ERG: variants seen among roughly 807,000 people sequenced by gnomAD.
ERG encodes ETS transcription factor ERG.
In ERG, 9 loss-of-function variants were observed where a neutral mutation model predicts 55.3. That is an observed-to-expected ratio of 0.16 (90% CI 0.10 to 0.28). ERG has a LOEUF of 0.28. ERG is among the 10% of genes least tolerant of loss of function. The probability of loss-of-function intolerance (pLI) is 1.00; values close to 1 mark genes in which losing one functional copy is unlikely to be tolerated. For synonymous variants in ERG, 223 were observed against 237.3 expected (o/e 0.94, Z 0.55); for missense variants, 434 against 631.6 (o/e 0.69, Z 3.35).
intron 1 of ERG, among the ~76,000 whole-genome samples, chr21:38,592,671 C>T (rs1338702948): frequency 2.0e-5 from 3 of 151,420 alleles, no homozygotes; most frequent in Non-Finnish European, 2.9e-5. Context: ...TAAGGCAATC[C>T]TTAGACTCTT....
intron 3 of ERG, among the ~76,000 whole-genome samples, chr21:38,408,666 C>A (rs1988893114): frequency 6.6e-6 from 1 of 152,186 alleles, no homozygotes; most frequent in African/African-American, 2.4e-5. Flanking sequence ...CCCCAGTAGT[C>A]TCTCTAGTCT....
At chr21:38,377,364 C>T (rs1021740742), downstream of ERG, among the ~76,000 whole-genome samples, 4 of 152,226 alleles carry the variant, frequency 2.6e-5, no homozygotes, top group Non-Finnish European at 5.9e-5. Context: ...CTGCCAGCAG[C>T]CTGCTGCCAA....
At chr21:38,492,961 G>A (rs1208415079) in intron 1 of ERG, among the ~76,000 whole-genome samples, 3 of 152,198 alleles carry the variant, frequency 2.0e-5, no homozygotes, top group Non-Finnish European at 4.4e-5. Context: ...GAATGGCAAA[G>A]ATTCAAAGAG....
intron 2 of ERG, among the ~76,000 whole-genome samples, chr21:38,521,157 G>A (rs2059591519): frequency 6.6e-6 from 1 of 152,170 alleles, no homozygotes; most frequent in South Asian, 2.1e-4. Context: ...TTCAGTGAGT[G>A]TGCATCAGAG....
At chr21:38,660,961 C>T (rs1470588771) in intron 1 of ERG, among the ~76,000 whole-genome samples, 1 of 152,106 alleles carries the variant, frequency 6.6e-6, no homozygotes, top group Admixed American at 6.5e-5. Context: ...ACGCGCCCTG[C>T]TCGGGTTTAG....
In ERG at chr21:38,381,572, T is replaced by C. The variant is rs1192090395; in HGVS notation, c.*1831A>G. 1.1e-5 allele frequency: 12 copies of C among 1,063,308 alleles called. No homozygotes were observed. Among genetic ancestry groups the C allele is most frequent in the African/African-American group, 1.6e-5 (1 of 60,992 alleles). 65.9% of individuals were successfully genotyped at this position (1,063,308 alleles called of 1,614,324 possible). ...ATCTAGACGTTATCCCTTGTTTCTG[T>C]AAAGTGAGAAATTGCAGCTATCCAT... On this transcript the variant is annotated 3_prime_UTR_variant, in exon 10 of 10. Transcript: ENST00000288319.
intron 3 of ERG, among the ~76,000 whole-genome samples, chr21:38,416,268 A>G (rs1204325810): frequency 6.6e-6 from 1 of 152,246 alleles, no homozygotes; most frequent in African/African-American, 2.4e-5. Context: ...GTTGAAATGC[A>G]GTGCTGCAAC....
chr21:38,432,902 C>T (rs1990284120), intron 2 of ERG, among the ~76,000 whole-genome samples: 1 of 152,150 alleles, frequency 6.6e-6, no homozygotes. Flanking sequence ...AATGGATCCT[C>T]AGAAAACTTA....
At chr21:38,653,954 G>C (rs185002403) in intron 1 of ERG, among the ~76,000 whole-genome samples, 1 of 152,180 alleles carries the variant, frequency 6.6e-6, no homozygotes, top group Non-Finnish European at 1.5e-5. Flanking sequence ...AAATGTGCTC[G>C]TAATGTACAA....
At chr21:38,372,478 G>A in the ERG span, among the ~76,000 whole-genome samples, 15 of 150,894 alleles carry the variant, frequency 9.9e-5, no homozygotes, top group South Asian at 3.1e-3. Context: ...AAATATTTAG[G>A]ACTATAAATT....
intron 1 of ERG, among the ~76,000 whole-genome samples, chr21:38,647,382 G>A (rs1390540864): frequency 6.6e-6 from 1 of 152,176 alleles, no homozygotes; most frequent in Non-Finnish European, 1.5e-5. Context: ...TCCTCAAGGA[G>A]GCTAAAATTA....
At chr21:38,484,860 C>T (rs2059268907) in intron 1 of ERG, among the ~76,000 whole-genome samples, 1 of 152,146 alleles carries the variant, frequency 6.6e-6, no homozygotes, top group South Asian at 2.1e-4. Flanking sequence ...TACAAACCTA[C>T]TGTGTTGCCA....
intron 3 of ERG, among the ~76,000 whole-genome samples, chr21:38,423,099 G>A (rs1357837909): frequency 6.6e-6 from 1 of 151,366 alleles, no homozygotes; most frequent in Non-Finnish European, 1.5e-5. Flanking sequence ...GTGTGTGTGT[G>A]TGTGTGTGTG....
At chr21:38,638,428 G>A (rs889392903) in intron 1 of ERG, among the ~76,000 whole-genome samples, 4 of 152,170 alleles carry the variant, frequency 2.6e-5, no homozygotes, top group Non-Finnish European at 5.9e-5. Flanking sequence ...AACAAGACTT[G>A]CAACTCACTT....
chr21:38,428,235 G>A (rs1989931168), intron 2 of ERG, among the ~76,000 whole-genome samples: 1 of 151,810 alleles, frequency 6.6e-6, no homozygotes, highest in Non-Finnish European at 1.5e-5. Flanking sequence ...ACAATTCAGA[G>A]AACTGAAAAG....
chr21:38,433,306 G>A (rs1483143238), intron 2 of ERG, among the ~76,000 whole-genome samples: 1 of 152,150 alleles, frequency 6.6e-6, no homozygotes, highest in Non-Finnish European at 1.5e-5. Flanking sequence ...ATGGAGGTGA[G>A]GACCAGGACA....
chr21:38,473,647 A>G (rs2059160478), intron 1 of ERG, among the ~76,000 whole-genome samples: 1 of 152,134 alleles, frequency 6.6e-6, no homozygotes, highest in Non-Finnish European at 1.5e-5. Flanking sequence ...TAATTGAGAG[A>G]GGGAAAATTT....
chr21:38,458,794 T>C (rs2059014279), intron 1 of ERG, among the ~76,000 whole-genome samples: 1 of 152,158 alleles, frequency 6.6e-6, no homozygotes, highest in South Asian at 2.1e-4. Flanking sequence ...TTCACAGCTC[T>C]TTAACAGATT....
chr21:38,467,046 T>G (rs985253640), intron 1 of ERG, among the ~76,000 whole-genome samples: 6 of 152,174 alleles, frequency 3.9e-5, no homozygotes, highest in Non-Finnish European at 7.3e-5. Context: ...TGGCTACAAA[T>G]TCAAGACATG....
Sources: gnomAD v4.1 joint callset for allele counts (sites outside exome capture counted in the v4.1 genomes callset) on GRCh38, gnomAD v4.1.1 for gene constraint, MANE v1.5 for transcripts, NCBI Gene and HGNC (gene_info 2026-07-23, HGNC 2026-07-21) for gene names.